The following CACNA2D1 variants were observed in gnomAD, a reference collection of about 807,000 sequenced individuals.
CACNA2D1 encodes the protein calcium voltage-gated channel auxiliary subunit alpha2delta 1.
CACNA2D1 carries 53 observed loss-of-function variants against 171.5 expected under a neutral mutation model. The ratio of observed to expected loss-of-function variants is 0.31; its 90% confidence interval spans 0.25 to 0.39. The LOEUF is 0.39. Among genes scored for constraint, CACNA2D1 ranks in the 10% least tolerant of loss-of-function variants. The probability of loss-of-function intolerance (pLI) is 1.00; values close to 1 mark genes in which losing one functional copy is unlikely to be tolerated. For synonymous variants in CACNA2D1, 442 were observed against 443.1 expected (o/e 1.00, Z 0.03); for missense variants, 903 against 1,299.8 (o/e 0.69, Z 4.69).
At chr7:82,418,449 C>T (rs1459349329) in intron 1 of CACNA2D1, among the ~76,000 whole-genome samples, 2 of 151,992 alleles carry the variant, frequency 1.3e-5, no homozygotes, top group African/African-American at 2.4e-5. Context: ...ATTATTTCTT[C>T]TTTGTAGAAA....
rs1371836028 is a variant in CACNA2D1 at position 82,417,801 on chromosome 7, G to T, written c.95+25564C>A. Among the ~76,000 whole-genome samples the T allele has an allele frequency of 2.6e-5, 4 of 152,134 alleles. No homozygotes were observed. In the East Asian group the frequency reaches 5.8e-4, roughly 22 times the overall value. ...ATCCTTCTGCCCATTTATAAATATT[G>T]AGTACCTATAAAAAGGGGGAGATCA... On this transcript the variant is annotated intron_variant, in intron 1 of 38. Coordinates refer to ENST00000356860, the MANE Select transcript of CACNA2D1 (RefSeq NM_000722.4).
intron 3 of CACNA2D1, among the ~76,000 whole-genome samples, chr7:82,295,485 C>T (rs1812151981): frequency 6.6e-6 from 1 of 151,760 alleles, no homozygotes; most frequent in African/African-American, 2.4e-5. Context: ...TACAGCTGTA[C>T]ACCACTATGC....
chr7:82,213,799 C>T (rs76764361), intron 3 of CACNA2D1, among the ~76,000 whole-genome samples: 2,635 of 152,168 alleles, frequency 0.017, 36 homozygotes, highest in Non-Finnish European at 0.027. Flanking sequence ...CTCAAAATAT[C>T]CTACACTGTT....
In CACNA2D1 at chr7:82,007,805, CT is replaced by C. The variant is rs747894688; in HGVS notation, c.1363-50del. On this transcript the variant is annotated intron_variant, in intron 15 of 38. Transcript: ENST00000356860. Reference sequence around the variant, plus strand: ...GGGCAAATTAAAATTACAATTTAAGCTTTGTCAGAGTGCACTAACCTTTGAT... The same window carrying C: ...GGGCAAATTAAAATTACAATTTAAGCTTGTCAGAGTGCACTAACCTTTGAT... 3.5e-6 allele frequency: 4 copies of C among 1,131,242 alleles called. No individual in the cohort carries two copies. In the East Asian group the frequency reaches 9.4e-5, roughly 27 times the overall value. The allele number at this position is 1,131,242 out of a possible 1,614,324, so 70.1% of individuals were successfully genotyped here.
At chr7:82,391,774 G>A (rs772516608) in intron 1 of CACNA2D1, among the ~76,000 whole-genome samples, 18 of 152,122 alleles carry the variant, frequency 1.2e-4, no homozygotes, top group African/African-American at 1.7e-4. Flanking sequence ...CAATTAGCAA[G>A]GAAGCTAATG....
chr7:82,179,021 C>G (rs1796838026), intron 3 of CACNA2D1, among the ~76,000 whole-genome samples: 1 of 152,064 alleles, frequency 6.6e-6, no homozygotes, highest in East Asian at 1.9e-4. Flanking sequence ...TATTATAATA[C>G]TTTGACATTC....
intron 12 of CACNA2D1, among the ~76,000 whole-genome samples, chr7:82,016,584 A>G (rs193187598): frequency 9.5e-4 from 140 of 147,258 alleles, no homozygotes; most frequent in African/African-American, 3.4e-3. Flanking sequence ...TATCATTCAA[A>G]TAGTCCAAAT....
At chr7:82,238,253 T>G (rs1486352192) in intron 3 of CACNA2D1, among the ~76,000 whole-genome samples, 1 of 152,060 alleles carries the variant, frequency 6.6e-6, no homozygotes, top group Non-Finnish European at 1.5e-5. Context: ...AGGGGATTTA[T>G]GCTAACCTTT....
intron 1 of CACNA2D1, among the ~76,000 whole-genome samples, chr7:82,442,199 C>T (rs1185660604): frequency 6.6e-6 from 1 of 152,138 alleles, no homozygotes; most frequent in African/African-American, 2.4e-5. Flanking sequence ...AAATAATAGC[C>T]GCAGGATTTC....
At chr7:82,344,114 G>A (rs1818987198) in intron 2 of CACNA2D1, among the ~76,000 whole-genome samples, 1 of 152,178 alleles carries the variant, frequency 6.6e-6, no homozygotes, top group Non-Finnish European at 1.5e-5. Context: ...GTTGTGAAGG[G>A]ATGTCTCATG....
At position 82,241,208 on chromosome 7, in the gene CACNA2D1, T is replaced by C. The variant is rs575039916; in HGVS notation, c.295-70599A>G. 1.5e-3 allele frequency among the ~76,000 whole-genome samples: 227 copies of C among 152,334 alleles called. 4 individuals are homozygous for C. The highest frequency in any genetic ancestry group is 5.2e-3 in the African/African-American group (218 of 41,586). On this transcript the variant is annotated intron_variant, in intron 3 of 38. Transcript: ENST00000356860. Reference sequence around the variant, plus strand: ...AAGATTTCCTCAGTAGTTATGACCCTGATTACGAATCAGACACCTTTGTAA... The same window carrying C: ...AAGATTTCCTCAGTAGTTATGACCCCGATTACGAATCAGACACCTTTGTAA...
At chr7:82,083,872 T>C (rs1810114806) in intron 7 of CACNA2D1, among the ~76,000 whole-genome samples, 1 of 152,174 alleles carries the variant, frequency 6.6e-6, no homozygotes. Flanking sequence ...GCTGTGACTT[T>C]TTATATGAAT....
At chr7:82,004,855 G>A (rs565095160) in intron 18 of CACNA2D1, among the ~76,000 whole-genome samples, 26 of 152,206 alleles carry the variant, frequency 1.7e-4, no homozygotes, top group African/African-American at 5.3e-4. Flanking sequence ...GGATAATATG[G>A]TTCATCGATG....
chr7:82,164,613 A>T (rs181040794), intron 4 of CACNA2D1, among the ~76,000 whole-genome samples: 1 of 151,996 alleles, frequency 6.6e-6, no homozygotes, highest in Non-Finnish European at 1.5e-5. Flanking sequence ...TGGAGAGATT[A>T]TGCAATACAA....
intron 4 of CACNA2D1, among the ~76,000 whole-genome samples, chr7:82,165,427 G>C (rs1795346103): frequency 6.6e-6 from 1 of 151,998 alleles, no homozygotes. Context: ...ATTGTTAACT[G>C]TGAAACCAGT....
chr7:82,139,087 C>G (rs529982873), intron 4 of CACNA2D1, among the ~76,000 whole-genome samples: 1 of 152,170 alleles, frequency 6.6e-6, no homozygotes, highest in African/African-American at 2.4e-5. Flanking sequence ...TATGCACACA[C>G]TGTTGTGCCA....
intron 7 of CACNA2D1, 105 bp downstream of exon 7, chr7:82,084,664 T>A (rs1810231615): frequency 8.1e-7 from 1 of 1,234,462 alleles, no homozygotes; most frequent in Non-Finnish European, 1.2e-6. Flanking sequence ...ATAAAAGTAG[T>A]GTGATATAGT....
At chr7:82,245,509 G>A (rs934829099) in intron 3 of CACNA2D1, among the ~76,000 whole-genome samples, 3 of 152,188 alleles carry the variant, frequency 2.0e-5, no homozygotes, top group Admixed American at 1.3e-4. Context: ...ACTAAACACA[G>A]CATATGATAA....
At chr7:82,062,940 T>C (rs543148433) in intron 9 of CACNA2D1, among the ~76,000 whole-genome samples, 144 of 151,918 alleles carry the variant, frequency 9.5e-4, no homozygotes, top group Non-Finnish European at 1.4e-3. Context: ...AGAAATGAGA[T>C]ATTGCTTTGT....
Sources: gnomAD v4.1 joint callset for allele counts (sites outside exome capture counted in the v4.1 genomes callset) on GRCh38, gnomAD v4.1.1 for gene constraint, MANE v1.5 for transcripts, NCBI Gene and HGNC (gene_info 2026-07-23, HGNC 2026-07-21) for gene names.